TFCP2: variants seen among roughly 807,000 people sequenced by gnomAD.
The protein encoded by TFCP2 is alpha-globin transcription factor CP2.
TFCP2 carries 33 observed loss-of-function variants against 73.4 expected under a neutral mutation model. The ratio of observed to expected loss-of-function variants is 0.45; its 90% CI spans 0.34 to 0.60. The LOEUF is 0.60. Among genes scored for constraint, TFCP2 ranks in the 20% least tolerant of loss-of-function variants. The pLI is 0.01. For missense variants in TFCP2, 352 were observed against 604.0 expected, an observed-to-expected ratio of 0.58 and a Z score of 4.37; for synonymous variants, 193 against 211.6, an observed-to-expected ratio of 0.91 and a Z score of 0.76.
rs554553243 is a variant in TFCP2 at position 51,170,702 on chromosome 12, G to A, written c.122+1599C>T. 6.9e-4 allele frequency among the ~76,000 whole-genome samples: 104 copies of A among 149,890 alleles called. 1 individual carries two copies. Among genetic ancestry groups the A allele is most frequent in the Non-Finnish European group, 1.3e-3 (87 of 67,590 alleles). On this transcript the variant is annotated intron_variant, in intron 1 of 14. Coordinates refer to ENST00000257915, the MANE Select transcript of TFCP2 (RefSeq NM_005653.5). ...CTCTCCCCCTTTTTTTTTTTGAGAC[G>A]GAGTTTTACTCTTGTTGCCTAAGCT...
chr12:51,110,829 G>C (rs748218795), intron 5 of TFCP2, 48 bp downstream of exon 5: 2 of 1,270,572 alleles, frequency 1.6e-6, no homozygotes, highest in South Asian at 1.2e-5. Context: ...TAAACTGATA[G>C]TAAGAGAGAT....
At chr12:51,126,529 C>T (rs1032593423) in intron 1 of TFCP2, among the ~76,000 whole-genome samples, 12 of 152,160 alleles carry the variant, frequency 7.9e-5, no homozygotes, top group African/African-American at 2.9e-4. Flanking sequence ...TAGCTTTCTT[C>T]CTTCAGGCCT....
At chr12:51,128,738 GGAA>G (rs1307499978) in intron 1 of TFCP2, among the ~76,000 whole-genome samples, 1 of 152,106 alleles carries the variant, frequency 6.6e-6, no homozygotes, top group East Asian at 1.9e-4. Context: ...AGATAAATCT[GGAA>G]GAAGGCTCAG....
intron 2 of TFCP2, 112 bp from the exon 3 acceptor site, chr12:51,117,859 A>G (rs1940567874): frequency 4.6e-6 from 3 of 658,604 alleles, no homozygotes; most frequent in Non-Finnish European, 7.7e-6. Flanking sequence ...TATTATTAGT[A>G]TTAGTAACAA....
chr12:51,099,948 G>GT (rs55976164), intron 11 of TFCP2, among the ~76,000 whole-genome samples, 169 bp from the exon 12 acceptor site: 53 of 149,380 alleles, frequency 3.5e-4, no homozygotes, highest in African/African-American at 6.1e-4. Context: ...CAGTAGTAGG[G>GT]TTTTTTTTTT....
chr12:51,148,395 C>T (rs926448325), intron 1 of TFCP2, among the ~76,000 whole-genome samples: 5 of 152,186 alleles, frequency 3.3e-5, no homozygotes, highest in Admixed American at 6.5e-5. Context: ...AAATGCCCAT[C>T]AACAAGTGGA....
intron 11 of TFCP2, 102 bp from the exon 12 acceptor site, chr12:51,099,881 G>T: frequency 2.2e-6 from 3 of 1,388,410 alleles, no homozygotes; most frequent in African/African-American, 1.5e-5. Flanking sequence ...TAGAGCAGAT[G>T]AAAATTGGAA....
Position 51,106,558 on chromosome 12 carries a change from T to G in TFCP2, c.884A>C (p.Asn295Thr), listed in dbSNP as rs1310725019. The G allele has an allele frequency of 1.2e-6, 2 of 1,613,582 alleles. No homozygotes were observed. The highest frequency in any genetic ancestry group is 2.7e-5 in the African/African-American group (2 of 74,892). ...AAGAGAAAAACTGCTATGGGAACTG[T>G]TGAAGCCAGGTGATGGGGAGTTATT... ...YVNNSPSPGF[N>T]SSHSSFSLGE... Residue 295 changes from asparagine to threonine, a missense_variant, in exon 8 of 15, where the codon AAC (asparagine) becomes ACC (threonine). Transcript: ENST00000257915.
intron 11 of TFCP2, among the ~76,000 whole-genome samples, chr12:51,100,873 T>C (rs929314942): frequency 6.6e-6 from 1 of 152,238 alleles, no homozygotes; most frequent in African/African-American, 2.4e-5. Context: ...TCTGTTTTAC[T>C]ATGTAGTCAC....
chr12:51,109,118 T>C lies in TFCP2; in HGVS notation c.717+3A>G. On this transcript the variant is annotated splice_donor_region_variant and intron_variant, in intron 6 of 14. Transcript: ENST00000257915. ...CAAGGGCCAGCACATTGCCCAGGAA[T>C]ACCTTGAAAACTTTGATCTGGCAGC... 1 of 1,614,204 alleles carries C rather than the reference T, an allele frequency of 6.2e-7. No homozygotes were observed. The highest frequency in any genetic ancestry group is 8.5e-7 in the Non-Finnish European group (1 of 1,179,996).
Position 51,107,272 on chromosome 12 carries a change from T to C in TFCP2, c.792A>G (p.Lys264=), listed in dbSNP as rs1374170849. The C allele has an allele frequency of 1.2e-6, 2 of 1,612,886 alleles. No homozygotes were observed. Among genetic ancestry groups the C allele is most frequent in the Non-Finnish European group, 1.7e-6 (2 of 1,179,792 alleles). Residue 264 remains lysine, a synonymous_variant, in exon 7 of 15, where the codon AAA becomes AAG. Coordinates refer to ENST00000257915, the MANE Select transcript of TFCP2 (RefSeq NM_005653.5). ...TGGTTGTCTCATAGGAAGGCTGATA[T>C]TTCTCCTTTTCATGAGGTGTTCGTT... ...MEKRTPHEKE[K]YQPSYETTIL...
intron 1 of TFCP2, among the ~76,000 whole-genome samples, chr12:51,144,675 G>C (rs991849718): frequency 4.6e-5 from 7 of 152,186 alleles, no homozygotes; most frequent in Non-Finnish European, 7.3e-5. Context: ...TCAACTTTAA[G>C]TAGATTAAAG....
chr12:51,106,504 A>C (rs763563375), intron 8 of TFCP2, 21 bp downstream of exon 8: 1 of 1,584,352 alleles, frequency 6.3e-7, no homozygotes, highest in Non-Finnish European at 8.6e-7. Context: ...AATATAAGCC[A>C]ATTTTATTTC....
At chr12:51,140,439 CTTTT>C (rs1566221235) in intron 1 of TFCP2, among the ~76,000 whole-genome samples, 3 of 98,316 alleles carry the variant, frequency 3.1e-5, no homozygotes, top group East Asian at 2.6e-4. Context: ...TCTTTCTTTT[CTTTT>C]TCTTTTTTTT....
At chr12:51,170,476 G>A (rs1233186537) in intron 1 of TFCP2, among the ~76,000 whole-genome samples, 1 of 151,740 alleles carries the variant, frequency 6.6e-6, no homozygotes, top group Non-Finnish European at 1.5e-5. Flanking sequence ...TGAGTAGCTG[G>A]GGCTACAGGA....
intron 1 of TFCP2, among the ~76,000 whole-genome samples, chr12:51,147,394 A>G (rs913281051): frequency 6.6e-6 from 1 of 152,184 alleles, no homozygotes; most frequent in Non-Finnish European, 1.5e-5. Context: ...GAAAACTGGA[A>G]CACCAATTTG....
Position 51,098,759 on chromosome 12 carries a change from T to C in TFCP2, c.1419+17A>G. 6.2e-7 allele frequency: 1 copy of C among 1,614,042 alleles called. No individual in the cohort carries two copies. ...ATTAATCATCATCTGGTAATTCAACTGTACTGAAAAATCTACCTCATCACT... is the reference window on the plus strand; with the variant it reads ...ATTAATCATCATCTGGTAATTCAACCGTACTGAAAAATCTACCTCATCACT... On this transcript the variant is annotated intron_variant, in intron 13 of 14. Coordinates refer to ENST00000257915, the MANE Select transcript of TFCP2 (RefSeq NM_005653.5).
chr12:51,148,699 CA>C (rs140565414), intron 1 of TFCP2, among the ~76,000 whole-genome samples: 46 of 100,140 alleles, frequency 4.6e-4, no homozygotes, highest in Non-Finnish European at 5.6e-4. Context: ...GACTCTGTCT[CA>C]AAAAAAAAAA....
At position 51,141,077 on chromosome 12, in the gene TFCP2, A is replaced by C. The variant is rs570786266; in HGVS notation, c.123-22305T>G. 1.2e-4 allele frequency among the ~76,000 whole-genome samples: 16 copies of C among 135,568 alleles called. 2 individuals carry two copies. In the South Asian group the frequency reaches 4.2e-3, roughly 35 times the overall value. 88.9% of individuals were successfully genotyped at this position (135,568 alleles called of 152,430 possible). ...TCTAAAAAATACAAATAATGATAAT[A>C]ATAATAAAAAAATAATATTTTTTAC... On this transcript the variant is annotated intron_variant, in intron 1 of 14. Coordinates refer to ENST00000257915, the MANE Select transcript of TFCP2 (RefSeq NM_005653.5).
Sources: allele counts gnomAD v4.1 joint callset (sites outside exome capture counted in the v4.1 genomes callset), GRCh38; gene constraint gnomAD v4.1.1; transcripts MANE v1.5; gene names NCBI Gene and HGNC (gene_info 2026-07-23, HGNC 2026-07-21).